CDK14: variants seen among roughly 807,000 people sequenced by gnomAD.
CDK14 encodes cyclin-dependent kinase 14.
In CDK14, 34 loss-of-function variants were observed where a neutral mutation model predicts 60.7. The observed-to-expected ratio is 0.56, with a 90% confidence interval of 0.43 to 0.75. The LOEUF is 0.75. CDK14 is among the 30% of genes least tolerant of loss of function. The pLI, the probability that CDK14 is intolerant of heterozygous loss-of-function variation, is 0.00. For synonymous variants in CDK14, 197 were observed against 203.7 expected, an observed-to-expected ratio of 0.97 and a Z score of 0.28; for missense variants, 482 against 564.1, an observed-to-expected ratio of 0.85 and a Z score of 1.47.
At chr7:90,863,698 T>TGTGTGTGTG (rs61201271) in intron 6 of CDK14, among the ~76,000 whole-genome samples, 6 of 58,510 alleles carry the variant, frequency 1.0e-4, no homozygotes, top group Middle Eastern at 9.1e-3. Context: ...GTGTGTGTGT[T>TGTGTGTGTG]TGTGTGTGTG....
At chr7:90,752,109 A>G (rs904532038) in intron 4 of CDK14, among the ~76,000 whole-genome samples, 1 of 152,206 alleles carries the variant, frequency 6.6e-6, no homozygotes, top group African/African-American at 2.4e-5. Context: ...AGCATTAGAC[A>G]GATCATCAAG....
intron 14 of CDK14, among the ~76,000 whole-genome samples, chr7:91,164,355 C>T (rs934895155): frequency 6.6e-6 from 1 of 152,120 alleles, no homozygotes; most frequent in Admixed American, 6.6e-5. Flanking sequence ...AAGTCCTGTA[C>T]GTGTTACTCA....
intron 6 of CDK14, among the ~76,000 whole-genome samples, chr7:90,873,045 AT>A (rs1206870309): frequency 6.6e-6 from 1 of 151,950 alleles, no homozygotes; most frequent in South Asian, 2.1e-4. Context: ...TCTCATGTTA[AT>A]TTTTTTTAAA....
rs1414146801 is a variant in CDK14 at position 91,008,937 on chromosome 7, TCAC to T, written c.1041+24700_1041+24702del. ...ACATGTGTATAATCCCATGAAATCATCACCACATTCAAGATAGTGATCTATCCA... is the reference window on the plus strand; with the variant it reads ...ACATGTGTATAATCCCATGAAATCATCACATTCAAGATAGTGATCTATCCA... On this transcript the variant is annotated intron_variant, in intron 10 of 14. Transcript: ENST00000380050. 5.3e-5 allele frequency among the ~76,000 whole-genome samples: 8 copies of T among 152,190 alleles called. No homozygotes were observed. In the East Asian group the frequency reaches 1.5e-3, roughly 29 times the overall value.
At chr7:90,978,851 G>C (rs947823340) in intron 9 of CDK14, among the ~76,000 whole-genome samples, 6 of 152,052 alleles carry the variant, frequency 3.9e-5, no homozygotes, top group Non-Finnish European at 7.4e-5. Flanking sequence ...TGAAAAAACA[G>C]ATCATATTTA....
intron 7 of CDK14, among the ~76,000 whole-genome samples, chr7:90,908,818 A>C (rs796519234): frequency 1.3e-5 from 2 of 152,108 alleles, no homozygotes; most frequent in South Asian, 4.1e-4. Context: ...CTAAATTCAC[A>C]AGTTGTTAAA....
At chr7:90,652,088 T>C (rs1410725071) in intron 2 of CDK14, among the ~76,000 whole-genome samples, 1 of 152,138 alleles carries the variant, frequency 6.6e-6, no homozygotes, top group Non-Finnish European at 1.5e-5. Flanking sequence ...CCCTCATCTT[T>C]CTTTATTTTT....
chr7:90,680,167 G>C (rs1033696976), intron 2 of CDK14, among the ~76,000 whole-genome samples: 1 of 152,120 alleles, frequency 6.6e-6, no homozygotes, highest in Non-Finnish European at 1.5e-5. Flanking sequence ...TCTGCAGTAA[G>C]ATAGGAGTGT....
At chr7:90,890,304 TTGAAGTTATGG>T (rs1792074278) in intron 6 of CDK14, among the ~76,000 whole-genome samples, 1 of 152,162 alleles carries the variant, frequency 6.6e-6, no homozygotes, top group Admixed American at 6.5e-5. Flanking sequence ...GTCTAGGACT[TTGAAGTTATGG>T]TGAGCTATGA....
At chr7:90,748,132 A>G (rs1467294874) in intron 4 of CDK14, among the ~76,000 whole-genome samples, 2 of 152,198 alleles carry the variant, frequency 1.3e-5, no homozygotes, top group African/African-American at 4.8e-5. Flanking sequence ...TGATTTGACA[A>G]TGCCAAATAT....
intron 8 of CDK14, among the ~76,000 whole-genome samples, chr7:90,931,601 G>C (rs1248906165): frequency 1.3e-5 from 2 of 152,228 alleles, no homozygotes; most frequent in Non-Finnish European, 2.9e-5. Flanking sequence ...TGTGATGGGG[G>C]AAGGAAGGGA....
chr7:90,998,619 T>A (rs914343170), intron 10 of CDK14, among the ~76,000 whole-genome samples: 8 of 152,220 alleles, frequency 5.3e-5, no homozygotes, highest in Non-Finnish European at 1.2e-4. Context: ...CCGGGCGCGG[T>A]GGCTCACGCC....
intron 7 of CDK14, among the ~76,000 whole-genome samples, chr7:90,910,159 TTC>T (rs1184167415): frequency 6.6e-6 from 1 of 152,246 alleles, no homozygotes; most frequent in Non-Finnish European, 1.5e-5. Flanking sequence ...AGGGTTTTAT[TTC>T]TCTTTTTTTA....
At chr7:90,882,189 C>A (rs1338303226) in intron 6 of CDK14, among the ~76,000 whole-genome samples, 4 of 150,208 alleles carry the variant, frequency 2.7e-5, no homozygotes, top group Non-Finnish European at 5.9e-5. Context: ...ATTTAGGAGA[C>A]CCATCTCATG....
At chr7:90,940,617 C>G (rs975183180) in intron 8 of CDK14, among the ~76,000 whole-genome samples, 1 of 151,916 alleles carries the variant, frequency 6.6e-6, no homozygotes, top group Non-Finnish European at 1.5e-5. Flanking sequence ...AAAACTCTGT[C>G]CCTACAAAAA....
chr7:90,978,105 A>G (rs1795129059), intron 9 of CDK14, among the ~76,000 whole-genome samples: 1 of 152,196 alleles, frequency 6.6e-6, no homozygotes, highest in Non-Finnish European at 1.5e-5. Context: ...TTAACCAGGT[A>G]CAGAGAGGGC....
chr7:90,888,633 G>A (rs577344351), intron 6 of CDK14, among the ~76,000 whole-genome samples: 72 of 152,230 alleles, frequency 4.7e-4, no homozygotes, highest in Admixed American at 4.6e-3. Flanking sequence ...TCCTATCAGA[G>A]TGGCTCCAGA....
intron 14 of CDK14, among the ~76,000 whole-genome samples, chr7:91,173,824 T>C (rs1291062505): frequency 6.6e-6 from 1 of 152,152 alleles, no homozygotes; most frequent in Non-Finnish European, 1.5e-5. Flanking sequence ...GGAGTCTCGC[T>C]GATTGCTAGC....
intron 5 of CDK14, among the ~76,000 whole-genome samples, chr7:90,851,960 G>A (rs982299356): frequency 1.5e-4 from 23 of 152,066 alleles, no homozygotes; most frequent in Admixed American, 6.6e-4. Context: ...GTGTTGTGGC[G>A]TAATCACAGC....
Sources: gnomAD v4.1 joint callset for allele counts (sites outside exome capture counted in the v4.1 genomes callset) on GRCh38, gnomAD v4.1.1 for gene constraint, MANE v1.5 for transcripts, NCBI Gene and HGNC (gene_info 2026-07-23, HGNC 2026-07-21) for gene names.